RAB38: variants seen among roughly 807,000 people sequenced by gnomAD.
RAB38 encodes ras-related protein Rab-38.
RAB38 carries 15 observed loss-of-function variants against 18.4 expected under a neutral mutation model. The ratio of observed to expected loss-of-function variants is 0.82; its 90% CI spans 0.55 to 1.26. The LOEUF is 1.26. Among genes scored for constraint, RAB38 ranks in the 50% most tolerant of loss-of-function variants. The pLI is 0.00. For synonymous variants in RAB38, 101 were observed against 104.4 expected, an observed-to-expected ratio of 0.97 and a Z score of 0.20; for missense variants, 294 against 267.4, an observed-to-expected ratio of 1.10 and a Z score of -0.69.
chr11:88,004,610 G>C, the RAB38 span, among the ~76,000 whole-genome samples: 1 of 151,084 alleles, frequency 6.6e-6, no homozygotes, highest in Non-Finnish European at 1.5e-5. Flanking sequence ...CAGAAAACAT[G>C]GTTGAAGTTC....
At chr11:87,914,544 G>T in the RAB38 span, among the ~76,000 whole-genome samples, 1 of 152,264 alleles carries the variant, frequency 6.6e-6, no homozygotes, top group Non-Finnish European at 1.5e-5. Context: ...ATAATTAAAA[G>T]GGAAGCAGAG....
At chr11:87,919,649 G>A in the RAB38 span, among the ~76,000 whole-genome samples, 1 of 151,636 alleles carries the variant, frequency 6.6e-6, no homozygotes, top group Non-Finnish European at 1.5e-5. Flanking sequence ...TTCCTCTTCT[G>A]TTTTTCAGAA....
At chr11:88,060,754 C>T in the RAB38 span, among the ~76,000 whole-genome samples, 1 of 152,192 alleles carries the variant, frequency 6.6e-6, no homozygotes, top group African/African-American at 2.4e-5. Flanking sequence ...GCACCACCCC[C>T]AGTTGTAACA....
intron 2 of RAB38, among the ~76,000 whole-genome samples, chr11:88,131,912 A>G (rs1942771343): frequency 6.6e-6 from 1 of 152,190 alleles, no homozygotes; most frequent in Admixed American, 6.5e-5. Flanking sequence ...AAAAGGCCAC[A>G]TGGTTAAGAA....
the RAB38 span, among the ~76,000 whole-genome samples, chr11:87,925,212 A>G: frequency 9.2e-5 from 14 of 152,106 alleles, no homozygotes; most frequent in African/African-American, 2.7e-4. Context: ...AATGGAGTTC[A>G]GCTTAGAACC....
the RAB38 span, among the ~76,000 whole-genome samples, chr11:88,011,607 A>T: frequency 6.6e-6 from 1 of 152,204 alleles, no homozygotes; most frequent in Non-Finnish European, 1.5e-5. Context: ...TAAAAAGAGT[A>T]AATAAGGGTG....
At chr11:88,095,570 A>C in the RAB38 span, among the ~76,000 whole-genome samples, 2 of 151,974 alleles carry the variant, frequency 1.3e-5, no homozygotes, top group Admixed American at 1.3e-4. Context: ...CCCAGAAGTC[A>C]ATCCTTGAAT....
At chr11:87,807,149 C>T in the RAB38 span, among the ~76,000 whole-genome samples, 8 of 152,180 alleles carry the variant, frequency 5.3e-5, no homozygotes, top group African/African-American at 1.9e-4. Context: ...TCAGGTGGAA[C>T]AATTTCATCC....
the RAB38 span, among the ~76,000 whole-genome samples, chr11:87,976,737 T>C: frequency 2.6e-5 from 3 of 116,826 alleles, no homozygotes; most frequent in Non-Finnish European, 4.8e-5. Context: ...TTATATAATA[T>C]ATATTTATAT....
the RAB38 span, among the ~76,000 whole-genome samples, chr11:87,884,670 GTCCCTGATAC>G: frequency 6.6e-6 from 1 of 151,902 alleles, no homozygotes; most frequent in African/African-American, 2.4e-5. Context: ...CAAAGACAAT[GTCCCTGATAC>G]TCCTACTTTA....
At chr11:88,063,670 G>A in the RAB38 span, among the ~76,000 whole-genome samples, 2 of 152,134 alleles carry the variant, frequency 1.3e-5, no homozygotes, top group Non-Finnish European at 2.9e-5. Context: ...GAATCATGGG[G>A]GCGGTTTCAC....
At chr11:87,976,197 T>C in the RAB38 span, among the ~76,000 whole-genome samples, 1 of 147,380 alleles carries the variant, frequency 6.8e-6, no homozygotes, top group African/African-American at 2.5e-5. Flanking sequence ...TATTTATATA[T>C]ACTCTATGTA....
At chr11:88,023,547 AT>A in the RAB38 span, among the ~76,000 whole-genome samples, 5 of 152,234 alleles carry the variant, frequency 3.3e-5, no homozygotes, top group Admixed American at 2.0e-4. Context: ...AGAAAAAAAA[AT>A]ACTAAAATTT....
chr11:88,026,283 G>A, the RAB38 span, among the ~76,000 whole-genome samples: 13 of 152,106 alleles, frequency 8.5e-5, no homozygotes, highest in East Asian at 2.3e-3. Context: ...CAACACAACA[G>A]CCAGGTGCGC....
chr11:88,096,676 C>G, the RAB38 span, among the ~76,000 whole-genome samples: 1 of 151,480 alleles, frequency 6.6e-6, no homozygotes, highest in Non-Finnish European at 1.5e-5. Flanking sequence ...AGAAAGGAAG[C>G]AGGAATGATG....
chr11:87,840,597 A>T, the RAB38 span, among the ~76,000 whole-genome samples: 4 of 152,172 alleles, frequency 2.6e-5, no homozygotes, highest in Non-Finnish European at 5.9e-5. Context: ...AGTATTTGTT[A>T]TACTTTAACC....
chr11:88,017,465 A>T, the RAB38 span, among the ~76,000 whole-genome samples: 2 of 151,796 alleles, frequency 1.3e-5, no homozygotes, highest in South Asian at 4.1e-4. Flanking sequence ...TCACAATTTT[A>T]AAAATGTGCA....
the RAB38 span, among the ~76,000 whole-genome samples, chr11:88,032,553 A>G: frequency 6.6e-6 from 1 of 152,246 alleles, no homozygotes; most frequent in Admixed American, 6.5e-5. Context: ...AACCCCATCA[A>G]AAAGTGGGCG....
chr11:87,819,702 G>GTATA, the RAB38 span, among the ~76,000 whole-genome samples: 77 of 3,360 alleles, frequency 0.023, 1 homozygote, highest in African/African-American at 0.044. Flanking sequence ...GTGTGTGTGT[G>GTATA]TATATATATA....
Sources: gnomAD v4.1 joint callset for allele counts (sites outside exome capture counted in the v4.1 genomes callset) on GRCh38, gnomAD v4.1.1 for gene constraint, MANE v1.5 for transcripts, NCBI Gene and HGNC (gene_info 2026-07-23, HGNC 2026-07-21) for gene names.